The following ABR variants were observed in gnomAD, a reference collection of about 807,000 sequenced individuals.
ABR encodes ABR activator of RhoGEF and GTPase.
A neutral mutation model predicts 107.2 loss-of-function variants in ABR; 35 were observed. The observed-to-expected ratio is 0.33, with a 90% CI of 0.25 to 0.43. The LOEUF (loss-of-function observed/expected upper bound fraction) is 0.43, where lower values mean the gene tolerates loss of function less well. Among genes scored for constraint, ABR ranks in the 20% least tolerant of loss-of-function variants. The probability of loss-of-function intolerance (pLI) is 1.00; values close to 1 mark genes in which losing one functional copy is unlikely to be tolerated. For synonymous variants in ABR, 498 were observed against 462.0 expected (o/e 1.08, Z -1.00); for missense variants, 815 against 1,115.2 (o/e 0.73, Z 3.83).
rs1423285566 is a variant in ABR, at chr17:1,003,603, A to G, written c.*2477T>C. On this transcript the variant is annotated 3_prime_UTR_variant, in exon 23 of 23. Coordinates refer to ENST00000302538, the MANE Select transcript of ABR (RefSeq NM_021962.5). Reference sequence around the variant, plus strand: ...TTTACATCAATTTATAATAATCTACATAAGTTGAAACAGAACATAGACAAA... The same window carrying G: ...TTTACATCAATTTATAATAATCTACGTAAGTTGAAACAGAACATAGACAAA... The G allele has an allele frequency of 6.6e-6, 1 of 152,610 alleles. No homozygotes were observed. The highest frequency in any genetic ancestry group is 1.5e-5 in the Non-Finnish European group (1 of 68,044). 9.5% of individuals were successfully genotyped at this position (152,610 alleles called of 1,614,324 possible).
At chr17:1,188,249 C>A (rs960147578), upstream of ABR, among the ~76,000 whole-genome samples, 1 of 151,460 alleles carries the variant, frequency 6.6e-6, no homozygotes, top group Non-Finnish European at 1.5e-5. Flanking sequence ...TGTGTGGGAG[C>A]ATTTAAAGAG....
intron 1 of ABR, among the ~76,000 whole-genome samples, chr17:1,223,535 G>C (rs1257269333): frequency 6.6e-6 from 1 of 152,116 alleles, no homozygotes; most frequent in African/African-American, 2.4e-5. Context: ...GTGACCATGG[G>C]CAATGTTATT....
At chr17:1,107,177 G>A (rs1220840476) in intron 2 of ABR, among the ~76,000 whole-genome samples, 1 of 152,230 alleles carries the variant, frequency 6.6e-6, no homozygotes, top group Non-Finnish European at 1.5e-5. Flanking sequence ...ACACCATCCC[G>A]GTGCTCACGG....
intron 1 of ABR, among the ~76,000 whole-genome samples, chr17:1,130,945 G>C (rs188497573): frequency 6.6e-6 from 1 of 152,100 alleles, no homozygotes; most frequent in Non-Finnish European, 1.5e-5. Flanking sequence ...TTCAGACTGC[G>C]AGAGCATCGA....
chr17:1,206,739 A>G (rs2042794113), intron 1 of ABR, among the ~76,000 whole-genome samples: 1 of 152,078 alleles, frequency 6.6e-6, no homozygotes, highest in South Asian at 2.1e-4. Flanking sequence ...GGGTTTCACC[A>G]TGTCTCCAAA....
intron 10 of ABR, among the ~76,000 whole-genome samples, chr17:1,059,957 T>C (rs182517452): frequency 1.6e-3 from 241 of 152,328 alleles, no homozygotes; most frequent in African/African-American, 5.4e-3. Context: ...ACACTCACCC[T>C]GCCCTGCCCA....
At chr17:1,040,684 C>G (rs190840824) in intron 16 of ABR, among the ~76,000 whole-genome samples, 1 of 152,302 alleles carries the variant, frequency 6.6e-6, no homozygotes, top group Admixed American at 6.5e-5. Context: ...TGCCTGAACC[C>G]GCCAGCTTAG....
In ABR at chr17:1,006,174, G is replaced by T; in HGVS notation, c.2491-5C>A. On this transcript the variant is annotated splice_region_variant and splice_polypyrimidine_tract_variant and intron_variant, in intron 22 of 22. Coordinates refer to ENST00000302538, the MANE Select transcript of ABR (RefSeq NM_021962.5). ...GTAGTAGAGGAGGACCTGGACCTGT[G>T]GGGAGACAGGAAGGCGGAGGCTGGG... The T allele has an allele frequency of 1.3e-6, 2 of 1,570,756 alleles. No homozygotes were observed. The highest frequency in any genetic ancestry group is 1.2e-5 in the South Asian group (1 of 85,562).
At chr17:1,228,551 C>T (rs2043265956) in intron 1 of ABR, among the ~76,000 whole-genome samples, 1 of 152,146 alleles carries the variant, frequency 6.6e-6, no homozygotes, top group African/African-American at 2.4e-5. Context: ...GGGCGCCGGC[C>T]CTGCCGCCGC....
intron 4 of ABR, 127 bp downstream of exon 4, chr17:1,091,538 G>A (rs984549454): frequency 2.7e-5 from 30 of 1,096,680 alleles, no homozygotes; most frequent in African/African-American, 8.0e-5. Context: ...CCTTCCTCCC[G>A]GACTCGGAGA....
intron 1 of ABR, among the ~76,000 whole-genome samples, chr17:1,223,085 C>A (rs1331839753): frequency 4.0e-5 from 6 of 150,422 alleles, no homozygotes; most frequent in Non-Finnish European, 5.9e-5. Flanking sequence ...ACCTGTAATC[C>A]CAGCTACTCG....
chr17:1,229,183 C>T (rs1322206594), exon 1 of ABR, among the ~76,000 whole-genome samples: 3 of 151,550 alleles, frequency 2.0e-5, no homozygotes, highest in African/African-American at 7.2e-5. Context: ...TCGTCCGTGC[C>T]GGGAGCCGCC....
intron 16 of ABR, among the ~76,000 whole-genome samples, chr17:1,035,902 A>T (rs2073150801): frequency 6.6e-6 from 1 of 150,924 alleles, no homozygotes; most frequent in South Asian, 2.1e-4. Context: ...CTGAGGTAAA[A>T]TCGGGTTAAG....
At chr17:1,189,036 T>C (rs1241588033), upstream of ABR, among the ~76,000 whole-genome samples, 2 of 152,220 alleles carry the variant, frequency 1.3e-5, no homozygotes, top group Non-Finnish European at 2.9e-5. Flanking sequence ...TGGCACCTTG[T>C]CCTGAGCTGG....
intron 16 of ABR, among the ~76,000 whole-genome samples, chr17:1,028,339 T>C (rs2072411711): frequency 6.6e-6 from 1 of 151,748 alleles, no homozygotes; most frequent in Non-Finnish European, 1.5e-5. Flanking sequence ...CCTCAGGTGA[T>C]CCACCCGCCT....
intron 1 of ABR, among the ~76,000 whole-genome samples, chr17:1,216,318 G>A (rs762160766): frequency 2.6e-5 from 4 of 152,172 alleles, no homozygotes; most frequent in East Asian, 1.9e-4. Context: ...GGAGGAGAGC[G>A]GGGCCCACAG....
At chr17:1,215,246 C>CTCTCCCTCTCCCTCTCTCTCCACGG (rs1466189861) in intron 1 of ABR, among the ~76,000 whole-genome samples, 103 of 150,716 alleles carry the variant, frequency 6.8e-4, no homozygotes, top group Middle Eastern at 3.5e-3. Context: ...AAAGAAAGAG[C>CTCTCCCTCTCCCTCTCTCTCCACGG]TCTCCCTCTC....
intron 10 of ABR, among the ~76,000 whole-genome samples, chr17:1,063,487 C>G (rs1320185999): frequency 8.1e-5 from 12 of 147,924 alleles, no homozygotes; most frequent in African/African-American, 3.0e-4. Context: ...GTTATGTGAA[C>G]TGAGGGCTAT....
At position 1,125,196 on chromosome 17, in the gene ABR, C is replaced by A; in HGVS notation, c.233G>T (p.Gly78Val). ...GDGVSPTPPE[G>V]LAPGVEAGKG... ...CGGTGTACCTACCCCAGGAGCCAGT[C>A]CCTCAGGTGGAGTCGGGGAGACGCC... Residue 78 changes from glycine to valine, a missense_variant, in exon 2 of 23, where the codon GGA becomes GTA. Physicochemically the swap from Gly to Val is moderately radical, Grantham distance 109. Around this residue, in one of 5 missense-constraint regions of ABR, gnomAD observed 129 missense variants for 124.8 expected, o/e 1.03. Transcript: ENST00000302538. The A allele has an allele frequency of 6.3e-7, 1 of 1,588,654 alleles. No individual in the cohort carries two copies. The highest frequency in any genetic ancestry group is 1.1e-5 in the South Asian group (1 of 88,368).
Sources: allele counts gnomAD v4.1 joint callset (sites outside exome capture counted in the v4.1 genomes callset), GRCh38; gene constraint gnomAD v4.1.1; regional missense constraint gnomAD v4.1.1; transcripts MANE v1.5; gene names NCBI Gene and HGNC (gene_info 2026-07-23, HGNC 2026-07-21).